Variants in XPO4 observed in about 807,000 individuals in gnomAD.
XPO4 encodes exportin 4.
In XPO4, 39 loss-of-function variants were observed where a neutral mutation model predicts 143.0. The observed-to-expected ratio is 0.27, with a 90% CI of 0.21 to 0.36. XPO4 has a LOEUF of 0.36. XPO4 is among the 10% of genes least tolerant of loss of function. XPO4 has a pLI of 1.00. For synonymous variants in XPO4, 439 were observed against 474.0 expected (o/e 0.93, Z 0.96); for missense variants, 907 against 1,348.0 (o/e 0.67, Z 5.12).
rs527987790 is a variant in XPO4, at chr13:20,793,654, C to T, written c.2797+2422G>A. Reference sequence around the variant, plus strand: ...CTGCAAGCTCCGCCTCCCTGGTTCACGCCATTCTCCTGCCTCAGCCTCCAG... The same window carrying T: ...CTGCAAGCTCCGCCTCCCTGGTTCATGCCATTCTCCTGCCTCAGCCTCCAG... On this transcript the variant is annotated intron_variant, in intron 18 of 22. Coordinates refer to ENST00000255305, the MANE Select transcript of XPO4 (RefSeq NM_022459.5). Among the ~76,000 whole-genome samples, 6 of 152,188 alleles carry T rather than the reference C, an allele frequency of 3.9e-5. No individual in the cohort carries two copies. The East Asian group carries it at 7.8e-4, about 20-fold the overall frequency.
chr13:20,893,610 G>A (rs1415622821), intron 1 of XPO4, among the ~76,000 whole-genome samples: 1 of 151,888 alleles, frequency 6.6e-6, no homozygotes, highest in Admixed American at 6.6e-5. Flanking sequence ...ACAAAAATTA[G>A]CCGGGCATGG....
intron 6 of XPO4, among the ~76,000 whole-genome samples, chr13:20,833,155 G>A (rs1241830830): frequency 6.6e-6 from 1 of 152,160 alleles, no homozygotes; most frequent in East Asian, 1.9e-4. Context: ...ACAAACATCC[G>A]AAAACTGAGC....
intron 4 of XPO4, chr13:20,852,266 T>C (rs1447990176): frequency 1.0e-6 from 1 of 985,302 alleles, no homozygotes; most frequent in Admixed American, 6.1e-5. Flanking sequence ...CTGCACACTG[T>C]CAAAATGAAA....
intron 4 of XPO4, among the ~76,000 whole-genome samples, chr13:20,846,824 C>T (rs959818164): frequency 2.6e-5 from 4 of 151,932 alleles, no homozygotes; most frequent in South Asian, 2.1e-4. Context: ...TTACATTCTA[C>T]TTTTCCACTT....
At chr13:20,889,692 C>T (rs1192082040) in intron 1 of XPO4, among the ~76,000 whole-genome samples, 3 of 152,150 alleles carry the variant, frequency 2.0e-5, no homozygotes, top group Non-Finnish European at 2.9e-5. Flanking sequence ...ACAGTCATTA[C>T]ACGAGAATTA....
chr13:20,846,294 A>G (rs1045287256), intron 4 of XPO4, among the ~76,000 whole-genome samples: 1 of 152,192 alleles, frequency 6.6e-6, no homozygotes, highest in Non-Finnish European at 1.5e-5. Context: ...TTTTCACATG[A>G]AACAAACATT....
chr13:20,801,034 G>C, intron 13 of XPO4, 44 bp from the exon 14 acceptor site: 2 of 1,589,480 alleles, frequency 1.3e-6, no homozygotes, highest in Non-Finnish European at 1.7e-6. Flanking sequence ...TATTTATTTA[G>C]TTGCTGTCTA....
intron 2 of XPO4, chr13:20,866,422 T>C (rs1374139895): frequency 2.4e-5 from 23 of 965,442 alleles, no homozygotes; most frequent in Non-Finnish European, 2.8e-5. Context: ...TAGTAGAATA[T>C]ATTACCCAGA....
intron 1 of XPO4, among the ~76,000 whole-genome samples, chr13:20,896,676 A>AT (rs974248644): frequency 6.6e-6 from 1 of 152,072 alleles, no homozygotes; most frequent in Admixed American, 6.6e-5. Flanking sequence ...GCAAATAATC[A>AT]TTTTTTGGCC....
intron 2 of XPO4, among the ~76,000 whole-genome samples, chr13:20,864,166 T>A (rs939242398): frequency 7.9e-5 from 12 of 151,376 alleles, no homozygotes; most frequent in African/African-American, 2.9e-4. Flanking sequence ...ATAATTAAAA[T>A]AAAGGAATAG....
At chr13:20,818,884 G>C (rs1224951674) in intron 9 of XPO4, among the ~76,000 whole-genome samples, 1 of 151,918 alleles carries the variant, frequency 6.6e-6, no homozygotes, top group Non-Finnish European at 1.5e-5. Context: ...GCAGTGGTGT[G>C]ATCTTGGGTC....
At chr13:20,843,743 A>G in intron 5 of XPO4, 27 bp downstream of exon 5, 4 of 1,498,698 alleles carry the variant, frequency 2.7e-6, no homozygotes, top group Non-Finnish European at 3.7e-6. Flanking sequence ...TCCAATAATT[A>G]AAACTCAAGA....
intron 4 of XPO4, chr13:20,851,711 C>CAAAAAAAAAAAAAAA (rs11340357): frequency 8.8e-6 from 6 of 681,858 alleles, no homozygotes; most frequent in African/African-American, 5.3e-5. Flanking sequence ...CCCGGTCTCA[C>CAAAAAAAAAAAAAAA]AAAAAAAAAA....
intron 1 of XPO4, among the ~76,000 whole-genome samples, chr13:20,883,155 T>C (rs1376246720): frequency 6.6e-6 from 1 of 152,192 alleles, no homozygotes; most frequent in Non-Finnish European, 1.5e-5. Flanking sequence ...CCTTACATCT[T>C]ACCCCTCCCC....
Position 20,849,449 on chromosome 13 carries a change from T to C in XPO4, c.457-5563A>G, listed in dbSNP as rs563934778. ...AAGGAAATAAGACAAATATGAATTATATGTTTAAATACAGATTAAAATTTT... is the reference window on the plus strand; with the variant it reads ...AAGGAAATAAGACAAATATGAATTACATGTTTAAATACAGATTAAAATTTT... On this transcript the variant is annotated intron_variant, in intron 4 of 22. Transcript: ENST00000255305. 10 of 984,110 alleles carry C rather than the reference T, an allele frequency of 1.0e-5. No homozygotes were observed. In the South Asian group the frequency reaches 4.2e-4, roughly 42 times the overall value. The allele number at this position is 984,110 out of a possible 1,614,324, so 61.0% of individuals were successfully genotyped here. A position where few individuals can be genotyped will look rare whatever the true frequency, so the allele number is the denominator to read the frequency against.
At chr13:20,807,415 A>C (rs556073651) in intron 13 of XPO4, 42 bp downstream of exon 13, 1 of 1,549,394 alleles carries the variant, frequency 6.5e-7, no homozygotes, top group South Asian at 1.2e-5. Flanking sequence ...TTTATAAAAC[A>C]GTATAAAAAT....
chr13:20,788,697 T>C, intron 19 of XPO4, 81 bp from the exon 20 acceptor site: 2 of 1,289,122 alleles, frequency 1.6e-6, no homozygotes, highest in South Asian at 3.2e-5. Context: ...ATAAAGTAAC[T>C]GACAAGCTTC....
intron 1 of XPO4, among the ~76,000 whole-genome samples, chr13:20,886,945 T>C (rs865974594): frequency 6.6e-6 from 1 of 152,098 alleles, no homozygotes; most frequent in Non-Finnish European, 1.5e-5. Flanking sequence ...TGGTGGTGCA[T>C]GCCTGTAATC....
At chr13:20,852,201 T>C in intron 4 of XPO4, 9 of 985,426 alleles carry the variant, frequency 9.1e-6, no homozygotes, top group Non-Finnish European at 1.1e-5. Flanking sequence ...TCAGAGTTAC[T>C]AGTAATGTTC....
Sources: allele counts gnomAD v4.1 joint callset (sites outside exome capture counted in the v4.1 genomes callset), GRCh38; gene constraint gnomAD v4.1.1; transcripts MANE v1.5; gene names NCBI Gene and HGNC (gene_info 2026-07-23, HGNC 2026-07-21).